The following ABTB2 variants were observed in gnomAD, a reference collection of about 807,000 sequenced individuals.
The protein encoded by ABTB2 is ankyrin repeat and BTB domain containing 2, also known as ankyrin repeat and BTB/POZ domain-containing protein 2.
A neutral mutation model predicts 104.1 loss-of-function variants in ABTB2; 56 were observed. That is an observed-to-expected ratio of 0.54 (90% CI 0.43 to 0.67). ABTB2 has a LOEUF of 0.67. ABTB2 is among the 30% of genes least tolerant of loss of function. The probability of loss-of-function intolerance (pLI) is 0.00; values close to 1 mark genes in which losing one functional copy is unlikely to be tolerated. For synonymous variants in ABTB2, 606 were observed against 608.2 expected, an observed-to-expected ratio of 1.00 and a Z score of 0.05; for missense variants, 1,279 against 1,407.7, an observed-to-expected ratio of 0.91 and a Z score of 1.46.
intron 1 of ABTB2, among the ~76,000 whole-genome samples, chr11:34,262,127 G>A (rs1854195189): frequency 6.6e-6 from 1 of 152,248 alleles, no homozygotes; most frequent in African/African-American, 2.4e-5. Flanking sequence ...AATAAATGAT[G>A]TCCAGAGATG....
chr11:34,265,979 A>G (rs1480172048), intron 1 of ABTB2, among the ~76,000 whole-genome samples: 1 of 152,158 alleles, frequency 6.6e-6, no homozygotes, highest in Non-Finnish European at 1.5e-5. Context: ...CAAAAAACAG[A>G]ATAAAACACC....
intron 1 of ABTB2, among the ~76,000 whole-genome samples, chr11:34,313,907 C>T (rs1306128890): frequency 2.0e-5 from 3 of 152,176 alleles, no homozygotes; most frequent in Non-Finnish European, 4.4e-5. Flanking sequence ...GGGACTTGCC[C>T]CAGCACTGCT....
intron 1 of ABTB2, among the ~76,000 whole-genome samples, chr11:34,255,768 C>T (rs778955182): frequency 1.3e-5 from 2 of 152,178 alleles, no homozygotes; most frequent in East Asian, 1.9e-4. Flanking sequence ...CCGCACGCCT[C>T]GGCCTCCCAA....
chr11:34,232,083 T>C (rs1345798128), intron 1 of ABTB2, among the ~76,000 whole-genome samples: 1 of 152,194 alleles, frequency 6.6e-6, no homozygotes, highest in East Asian at 1.9e-4. Flanking sequence ...TAGTTAATAA[T>C]GTTAATAGGG....
At chr11:34,176,993 C>G (rs2467380) in intron 3 of ABTB2, among the ~76,000 whole-genome samples, 146,968 of 152,336 alleles carry the variant, frequency 0.96, 71,123 homozygotes, top group East Asian at 1. Flanking sequence ...GGCAAGCTTA[C>G]AGACATGCTT....
chr11:34,285,567 G>A (rs1854495934), intron 1 of ABTB2, among the ~76,000 whole-genome samples: 1 of 152,098 alleles, frequency 6.6e-6, no homozygotes, highest in South Asian at 2.1e-4. Context: ...GCAATCTTAG[G>A]GAGGCCAGGC....
At chr11:34,299,941 G>A (rs1854679437) in intron 1 of ABTB2, among the ~76,000 whole-genome samples, 1 of 152,134 alleles carries the variant, frequency 6.6e-6, no homozygotes, top group Non-Finnish European at 1.5e-5. Flanking sequence ...TAACACTGCT[G>A]CCTCCTTCAT....
rs934908886 is a variant in ABTB2 at position 34,238,410 on chromosome 11, A to G, written c.884-33720T>C. Among the ~76,000 whole-genome samples the G allele has an allele frequency of 9.2e-5, 14 of 152,208 alleles. 1 individual carries two copies. The highest frequency in any genetic ancestry group is 1.3e-4 in the Admixed American group (2 of 15,280). On this transcript the variant is annotated intron_variant, in intron 1 of 16. Coordinates refer to ENST00000435224, the MANE Select transcript of ABTB2 (RefSeq NM_145804.3). The stretch of plus-strand genomic sequence containing the variant: ...TTTATTGCCTGTCTTCCCAAATACT[A>G]TGTAATCTCCATGAGGGCAGGGCTT...
intron 1 of ABTB2, among the ~76,000 whole-genome samples, chr11:34,292,920 G>C (rs1854579099): frequency 6.6e-6 from 1 of 152,172 alleles, no homozygotes. Context: ...ACTGTGGAAG[G>C]GCCTTGGATT....
At chr11:34,159,824 G>T in intron 13 of ABTB2, 82 bp downstream of exon 13, 2 of 1,123,690 alleles carry the variant, frequency 1.8e-6, no homozygotes, top group Non-Finnish European at 2.7e-6. Flanking sequence ...CAGCCCCAGC[G>T]AGTCACTCTC....
intron 1 of ABTB2, among the ~76,000 whole-genome samples, chr11:34,255,748 C>G (rs1373860515): frequency 6.6e-5 from 10 of 152,178 alleles, no homozygotes; most frequent in African/African-American, 2.4e-4. Context: ...AACTGCTGAG[C>G]TCAAGTGATC....
rs1039106279 is a variant in ABTB2 at position 34,165,183 on chromosome 11, G to A, written c.1852+77C>T. The A allele has an allele frequency of 3.3e-5, 45 of 1,348,348 alleles. No individual in the cohort carries two copies. In the African/African-American group the frequency reaches 4.5e-4, roughly 14 times the overall value. 83.5% of individuals were successfully genotyped at this position (1,348,348 alleles called of 1,614,324 possible). A position where few individuals can be genotyped will look rare whatever the true frequency, so the allele number is the denominator to read the frequency against. ...GTGTGTGCTAAAGAGACCCCTGCAC[G>A]TCCAGCTACATGCCTGGCCAGGCTG... On this transcript the variant is annotated intron_variant, in intron 8 of 16. Transcript: ENST00000435224.
chr11:34,327,942 G>T (rs1250099014), intron 1 of ABTB2, among the ~76,000 whole-genome samples: 1 of 150,932 alleles, frequency 6.6e-6, no homozygotes, highest in African/African-American at 2.4e-5. Context: ...CTCGCTGGCT[G>T]TTTAACATTT....
chr11:34,312,845 C>T lies in ABTB2; in HGVS notation c.883+43856G>A, dbSNP rs190046498. ...CCTTCCGAAGTGCTGGGATTACAGG[C>T]GTGTGCCACTATGCTGGGCTACTAT... is the stretch of plus-strand genomic sequence containing the variant. On this transcript the variant is annotated intron_variant, in intron 1 of 16. Transcript: ENST00000435224. Among the ~76,000 whole-genome samples the T allele has an allele frequency of 1.2e-4, 18 of 152,260 alleles. No individual in the cohort carries two copies. The East Asian group carries it at 1.4e-3, about 11-fold the overall frequency.
At chr11:34,272,404 T>TA (rs2133081244) in intron 1 of ABTB2, among the ~76,000 whole-genome samples, 1 of 118,204 alleles carries the variant, frequency 8.5e-6, no homozygotes, top group African/African-American at 3.0e-5. Flanking sequence ...ATAGCAAAAC[T>TA]AAAAAACCAT....
chr11:34,317,383 T>C (rs1253238483), intron 1 of ABTB2, among the ~76,000 whole-genome samples: 1 of 152,180 alleles, frequency 6.6e-6, no homozygotes, highest in East Asian at 1.9e-4. Flanking sequence ...CCGCATCTTG[T>C]ATTTTTCCCT....
intron 3 of ABTB2, among the ~76,000 whole-genome samples, chr11:34,181,262 A>C (rs528039348): frequency 7.3e-4 from 46 of 63,164 alleles, no homozygotes; most frequent in Non-Finnish European, 1.7e-3. Context: ...ACAAACAAAC[A>C]AAAAAAACAA....
intron 3 of ABTB2, among the ~76,000 whole-genome samples, chr11:34,184,641 G>C (rs1436877367): frequency 6.6e-6 from 1 of 152,236 alleles, no homozygotes; most frequent in Non-Finnish European, 1.5e-5. Flanking sequence ...CATTTCTCAG[G>C]CCAGAACTCC....
chr11:34,266,164 C>T (rs1369477867), intron 1 of ABTB2, among the ~76,000 whole-genome samples: 1 of 152,162 alleles, frequency 6.6e-6, no homozygotes, highest in Admixed American at 6.5e-5. Flanking sequence ...CTCATCGTAA[C>T]CTCAAACTCC....
Sources: gnomAD v4.1 joint callset for allele counts (sites outside exome capture counted in the v4.1 genomes callset) on GRCh38, gnomAD v4.1.1 for gene constraint, MANE v1.5 for transcripts, NCBI Gene and HGNC (gene_info 2026-07-23, HGNC 2026-07-21) for gene names.